ARHGEF28: variants seen among roughly 807,000 people sequenced by gnomAD.
ARHGEF28 encodes the protein Rho guanine nucleotide exchange factor 28, also known as 190 kDa guanine nucleotide exchange factor.
ARHGEF28 carries 152 observed loss-of-function variants against 206.6 expected under a neutral mutation model. The observed-to-expected ratio is 0.74, with a 90% CI of 0.64 to 0.84. The LOEUF (loss-of-function observed/expected upper bound fraction) is 0.84, where lower values mean the gene tolerates loss of function less well. Ranked by LOEUF, ARHGEF28 falls within the 40% of genes least tolerant of loss-of-function variation. The probability of loss-of-function intolerance (pLI) is 0.00; values close to 1 mark genes in which losing one functional copy is unlikely to be tolerated. For missense variants in ARHGEF28, 2,028 were observed against 2,073.2 expected, an observed-to-expected ratio of 0.98 and a Z score of 0.42; for synonymous variants, 763 against 776.4, an observed-to-expected ratio of 0.98 and a Z score of 0.29.
chr5:73,788,128 A>G (rs1351657683), intron 7 of ARHGEF28, among the ~76,000 whole-genome samples: 1 of 152,174 alleles, frequency 6.6e-6, no homozygotes. Flanking sequence ...CTAGAGAGAA[A>G]AAAAAGTATT....
intron 9 of ARHGEF28, among the ~76,000 whole-genome samples, chr5:73,812,512 C>CT (rs891251932): frequency 6.6e-6 from 1 of 152,116 alleles, no homozygotes; most frequent in African/African-American, 2.4e-5. Context: ...TTGGGATATC[C>CT]TTTTTTTCCA....
intron 33 of ARHGEF28, chr5:73,908,504 T>C (rs1762671633): frequency 6.6e-6 from 1 of 152,248 alleles, no homozygotes; most frequent in Non-Finnish European, 1.5e-5. Flanking sequence ...CTTTGCACTC[T>C]AAATGGGAAC....
chr5:73,764,146 A>G (rs143263981), intron 4 of ARHGEF28, among the ~76,000 whole-genome samples: 232 of 152,332 alleles, frequency 1.5e-3, no homozygotes, highest in Non-Finnish European at 2.9e-3. Flanking sequence ...TGTCCGTTTT[A>G]CAGATCAAGC....
intron 9 of ARHGEF28, among the ~76,000 whole-genome samples, chr5:73,813,330 T>G (rs1046373557): frequency 6.6e-6 from 1 of 152,212 alleles, no homozygotes; most frequent in African/African-American, 2.4e-5. Flanking sequence ...TCAGCCACTC[T>G]TAGCTCCCCC....
rs542610899 is a variant in ARHGEF28, at chr5:73,865,518, AG to A, written c.2104-445del. On this transcript the variant is annotated intron_variant, in intron 17 of 35. Transcript: ENST00000513042. The stretch of plus-strand genomic sequence containing the variant: ...TGCAGTTGCAAACCTCTGTGTCAAT[AG>A]GAACACATATTGCGTCAGATCACAG... 5.9e-5 allele frequency among the ~76,000 whole-genome samples: 9 copies of A among 152,300 alleles called. No individual in the cohort carries two copies. In the South Asian group the frequency reaches 1.9e-3, roughly 32 times the overall value.
At chr5:73,933,054 C>T (rs1764221963) in intron 35 of ARHGEF28, among the ~76,000 whole-genome samples, 1 of 152,030 alleles carries the variant, frequency 6.6e-6, no homozygotes, top group Non-Finnish European at 1.5e-5. Flanking sequence ...TCGTGATCCG[C>T]CCGTCTCGGC....
rs375156744 is a variant in ARHGEF28 at position 73,892,176 on chromosome 5, A to T, written c.3512A>T (p.Asn1171Ile). The T allele has an allele frequency of 2.8e-5, 44 of 1,579,570 alleles. No individual in the cohort carries two copies. The East Asian group carries it at 8.9e-4, about 32-fold the overall frequency. ...CCTGAGATGTATGAAATTCACACCAATTCCAAGGAGGAACGCAATAACTGG... is the reference window on the plus strand; with the variant it reads ...CCTGAGATGTATGAAATTCACACCATTTCCAAGGAGGAACGCAATAACTGG... Reference protein sequence around the residue: ...AGPEMYEIHTNSKEERNNWMR... With the variant: ...AGPEMYEIHTISKEERNNWMR... Residue 1171 changes from asparagine (N) to isoleucine (I), a missense_variant, in exon 27 of 36, where the codon AAT (asparagine) becomes ATT (isoleucine). Physicochemically the swap from Asn to Ile is moderately radical, Grantham distance 149. This residue lies in a region of ARHGEF28 where 803 missense variants were observed against 768.0 expected (regional missense o/e 1.05). Transcript: ENST00000513042.
chr5:73,888,061 C>T (rs939779522), intron 26 of ARHGEF28, among the ~76,000 whole-genome samples: 4 of 152,208 alleles, frequency 2.6e-5, no homozygotes, highest in African/African-American at 7.2e-5. Flanking sequence ...CCCCAAACCC[C>T]TTCCCTTAGA....
rs537287383 is a variant in ARHGEF28, at chr5:73,805,883, G to A, written c.1024+10492G>A. 3.3e-5 allele frequency among the ~76,000 whole-genome samples: 5 copies of A among 152,088 alleles called. No individual in the cohort carries two copies. The South Asian group carries it at 1.0e-3, about 32-fold the overall frequency. On this transcript the variant is annotated intron_variant, in intron 9 of 35. Coordinates refer to ENST00000513042, the MANE Select transcript of ARHGEF28 (RefSeq NM_001177693.2). ...GAGCCTGCCCGTTTTTTCTTTTTAA[G>A]TGAGTTTTATCTATCATATTTTATG...
chr5:73,744,572 T>C (rs912129135), intron 2 of ARHGEF28, among the ~76,000 whole-genome samples: 2 of 152,044 alleles, frequency 1.3e-5, no homozygotes, highest in Non-Finnish European at 2.9e-5. Flanking sequence ...AGAAGACAAG[T>C]TTCAAATATT....
At chr5:73,715,960 G>T (rs769591564) in intron 2 of ARHGEF28, among the ~76,000 whole-genome samples, 1 of 152,144 alleles carries the variant, frequency 6.6e-6, no homozygotes, top group East Asian at 1.9e-4. Flanking sequence ...AGCTACTGTC[G>T]TTCAGTTCAG....
At chr5:73,757,079 A>C (rs536482401) in intron 4 of ARHGEF28, among the ~76,000 whole-genome samples, 1 of 152,206 alleles carries the variant, frequency 6.6e-6, no homozygotes, top group South Asian at 2.1e-4. Flanking sequence ...TTTTTGTTGT[A>C]TTTTTAATTT....
intron 9 of ARHGEF28, among the ~76,000 whole-genome samples, chr5:73,827,453 T>G (rs1376022547): frequency 1.3e-5 from 2 of 152,208 alleles, no homozygotes; most frequent in Non-Finnish European, 2.9e-5. Flanking sequence ...TATGTCAGAG[T>G]CTGCTCTAAT....
At position 73,909,503 on chromosome 5, in the gene ARHGEF28, G is replaced by A; in HGVS notation, c.4253G>A (p.Arg1418Gln). The change falls in exon 34 of 36, where the codon CGA (arginine) becomes CAA (glutamine). Residue 1418 changes from arginine to glutamine, a missense_variant. Physicochemically the swap from Arg to Gln is conservative, Grantham distance 43. Coordinates refer to ENST00000513042, the MANE Select transcript of ARHGEF28 (RefSeq NM_001177693.2). ...CTGTCTCTCGGCCACTCTATCCTCC[G>A]AGGCGGCCCCTTGCAGGACCAGAAG... ...EGLSLGHSIL[R>Q]GGPLQDQKSR... The A allele has an allele frequency of 6.2e-7, 1 of 1,609,500 alleles. No homozygotes were observed. The highest frequency in any genetic ancestry group is 8.5e-7 in the Non-Finnish European group (1 of 1,178,048).
intron 2 of ARHGEF28, among the ~76,000 whole-genome samples, chr5:73,706,342 TCAAAA>T (rs1448333903): frequency 6.6e-6 from 1 of 152,038 alleles, no homozygotes; most frequent in Non-Finnish European, 1.5e-5. Flanking sequence ...AGACTCTGTC[TCAAAA>T]CAACAACAAC....
chr5:73,745,056 T>A (rs1261580508), intron 2 of ARHGEF28, among the ~76,000 whole-genome samples: 1 of 152,084 alleles, frequency 6.6e-6, no homozygotes, highest in Non-Finnish European at 1.5e-5. Flanking sequence ...TATAAAAAGA[T>A]GTATCCTTTT....
intron 1 of ARHGEF28, among the ~76,000 whole-genome samples, chr5:73,680,681 A>T (rs912736161): frequency 1.3e-5 from 2 of 151,692 alleles, no homozygotes; most frequent in African/African-American, 4.8e-5. Context: ...AATAAAAATT[A>T]AAAAAAAATT....
At chr5:73,834,227 C>G (rs1356337854) in intron 10 of ARHGEF28, among the ~76,000 whole-genome samples, 1 of 152,142 alleles carries the variant, frequency 6.6e-6, no homozygotes, top group East Asian at 1.9e-4. Context: ...CAGCAAATTT[C>G]AAGTACAAAG....
chr5:73,767,129 T>C (rs1203355844), intron 4 of ARHGEF28, among the ~76,000 whole-genome samples: 1 of 152,220 alleles, frequency 6.6e-6, no homozygotes, highest in East Asian at 1.9e-4. Context: ...TCTGCTGTGA[T>C]TGTGAGGCCT....
Sources: allele counts gnomAD v4.1 joint callset (sites outside exome capture counted in the v4.1 genomes callset), GRCh38; gene constraint gnomAD v4.1.1; regional missense constraint gnomAD v4.1.1; transcripts MANE v1.5; gene names NCBI Gene and HGNC (gene_info 2026-07-23, HGNC 2026-07-21).